The following LIPA variants were observed in gnomAD, a reference collection of about 807,000 sequenced individuals.
LIPA encodes lipase A, lysosomal acid type.
A neutral mutation model predicts 40.6 loss-of-function variants in LIPA; 26 were observed. The ratio of observed to expected loss-of-function variants is 0.64; its 90% CI spans 0.47 to 0.89. The LOEUF (loss-of-function observed/expected upper bound fraction) is 0.89, where lower values mean the gene tolerates loss of function less well. Among genes scored for constraint, LIPA ranks in the 40% least tolerant of loss-of-function variants. The pLI is 0.00. For synonymous variants in LIPA, 188 were observed against 168.4 expected (o/e 1.12, Z -0.90); for missense variants, 455 against 479.6 (o/e 0.95, Z 0.48).
chr10:89,352,361 G>A (rs903100660), intron 2 of LIPA, among the ~76,000 whole-genome samples: 29 of 152,238 alleles, frequency 1.9e-4, no homozygotes, highest in African/African-American at 6.3e-4. Flanking sequence ...CATGGATCAC[G>A]CTAACACCAC....
intron 1 of LIPA, chr10:89,308,333 A>G (rs1018162893): frequency 6.6e-6 from 1 of 151,218 alleles, no homozygotes; most frequent in Non-Finnish European, 1.5e-5. Context: ...TTTTTTTTGT[A>G]AAATGAAGAC....
intron 1 of LIPA, among the ~76,000 whole-genome samples, chr10:89,257,187 T>A (rs1259256161): frequency 6.6e-6 from 1 of 152,200 alleles, no homozygotes; most frequent in African/African-American, 2.4e-5. Context: ...CAAGACTGCA[T>A]TTTTGGCAGT....
intron 2 of LIPA, among the ~76,000 whole-genome samples, chr10:89,364,295 A>C (rs1844043557): frequency 6.6e-6 from 1 of 152,208 alleles, no homozygotes; most frequent in South Asian, 2.1e-4. Flanking sequence ...GACTTCTGAG[A>C]ATTTGCAATT....
At chr10:89,338,580 A>C (rs1467283479) in intron 1 of LIPA, 26 of 1,343,560 alleles carry the variant, frequency 1.9e-5, no homozygotes, top group Non-Finnish European at 2.6e-5. Flanking sequence ...GGCCCAGTTC[A>C]ATTGACATAT....
chr10:89,313,166 T>C (rs190744246), intron 1 of LIPA, among the ~76,000 whole-genome samples: 12 of 152,368 alleles, frequency 7.9e-5, no homozygotes, highest in Admixed American at 5.9e-4. Flanking sequence ...ATGTAGACTA[T>C]GATTCAGTAG....
chr10:89,272,144 A>C (rs529088398), intron 1 of LIPA, among the ~76,000 whole-genome samples: 1 of 152,292 alleles, frequency 6.6e-6, no homozygotes, highest in African/African-American at 2.4e-5. Flanking sequence ...GGTTTGTTAC[A>C]TAGGTAAATG....
chr10:89,361,898 TTTTTTTTTTTTTTTG>T (rs1844024961), intron 2 of LIPA, among the ~76,000 whole-genome samples: 2 of 125,200 alleles, frequency 1.6e-5, no homozygotes, highest in Admixed American at 8.2e-5. Context: ...TTTTTTTTTT[TTTTTTTTTTTTTTTG>T]AGACAGGATC....
intron 2 of LIPA, among the ~76,000 whole-genome samples, chr10:89,361,875 CTTTTTTTTTTTTTTTT>C (rs59818683): frequency 2.5e-3 from 100 of 40,424 alleles, no homozygotes; most frequent in Non-Finnish European, 3.6e-3. Context: ...CTCCACCTGC[CTTTTTTTTTTTTTTTT>C]TTTTTTTTTT....
upstream of LIPA, among the ~76,000 whole-genome samples, chr10:89,346,669 A>C (rs1843924411): frequency 6.6e-6 from 1 of 152,206 alleles, no homozygotes; most frequent in Non-Finnish European, 1.5e-5. Flanking sequence ...CGCAATAAAC[A>C]GAAGAGTTTT....
chr10:89,264,729 G>T (rs1589582594), intron 1 of LIPA, among the ~76,000 whole-genome samples: 1 of 152,218 alleles, frequency 6.6e-6, no homozygotes, highest in African/African-American at 2.4e-5. Flanking sequence ...TCCATGGGCG[G>T]CCATGGGTGG....
chr10:89,290,449 A>G (rs11812294), intron 1 of LIPA, among the ~76,000 whole-genome samples: 3,287 of 152,172 alleles, frequency 0.022, 118 homozygotes, highest in African/African-American at 0.074. Flanking sequence ...TGCTGCCAAC[A>G]CTTCAATACT....
chr10:89,290,200 C>CT (rs1277235997), intron 1 of LIPA, among the ~76,000 whole-genome samples: 6 of 152,146 alleles, frequency 3.9e-5, no homozygotes, highest in Non-Finnish European at 8.8e-5. Flanking sequence ...ATTCTTAGTC[C>CT]TTTATTATCT....
intron 1 of LIPA, among the ~76,000 whole-genome samples, chr10:89,294,692 TG>T (rs985751600): frequency 2.6e-5 from 4 of 152,264 alleles, no homozygotes; most frequent in African/African-American, 9.6e-5. Context: ...AATGGGGAGC[TG>T]GCCAAGTGCT....
chr10:89,360,371 T>G (rs1469694577), intron 2 of LIPA, among the ~76,000 whole-genome samples: 2 of 152,166 alleles, frequency 1.3e-5, no homozygotes, highest in Non-Finnish European at 2.9e-5. Context: ...CCAAGCATTA[T>G]TGTTCAGATT....
chr10:89,341,347 A>C (rs1245714731), intron 1 of LIPA, among the ~76,000 whole-genome samples: 1 of 152,172 alleles, frequency 6.6e-6, no homozygotes, highest in Non-Finnish European at 1.5e-5. Context: ...TCCCTTTCAA[A>C]CTGCCAGCAT....
chr10:89,352,368 C>T (rs1843963735), intron 2 of LIPA, among the ~76,000 whole-genome samples: 1 of 152,188 alleles, frequency 6.6e-6, no homozygotes, highest in Non-Finnish European at 1.5e-5. Flanking sequence ...CACGCTAACA[C>T]CACCATTTTT....
At chr10:89,339,200 A>G (rs1402065278) in intron 1 of LIPA, 3 of 1,614,186 alleles carry the variant, frequency 1.9e-6, no homozygotes, top group South Asian at 1.1e-5. Context: ...GCGATGTACC[A>G]TCTGGATAAT....
At chr10:89,252,993 T>C (rs368035136), upstream of LIPA, among the ~76,000 whole-genome samples, 23 of 152,152 alleles carry the variant, frequency 1.5e-4, no homozygotes, top group Non-Finnish European at 1.8e-4. Context: ...TGGTGGGTCC[T>C]AGCCAGAGTG....
intron 2 of LIPA, among the ~76,000 whole-genome samples, chr10:89,410,538 A>T (rs1841460726): frequency 6.6e-6 from 1 of 152,246 alleles, no homozygotes; most frequent in South Asian, 2.1e-4. Context: ...TAGCGATGTA[A>T]CCATACTTGA....
Sources: allele counts gnomAD v4.1 joint callset (sites outside exome capture counted in the v4.1 genomes callset), GRCh38; gene constraint gnomAD v4.1.1; transcripts MANE v1.5; gene names NCBI Gene and HGNC (gene_info 2026-07-23, HGNC 2026-07-21).